Variants in ADAM23 observed in about 807,000 individuals in gnomAD.
ADAM23 encodes the protein disintegrin and metalloproteinase domain-containing protein 23.
A neutral mutation model predicts 120.1 loss-of-function variants in ADAM23; 33 were observed. That is an observed-to-expected ratio of 0.27 (90% CI 0.21 to 0.37). The LOEUF is 0.37. Among genes scored for constraint, ADAM23 ranks in the 10% least tolerant of loss-of-function variants. The pLI, the probability that ADAM23 is intolerant of heterozygous loss-of-function variation, is 1.00. For synonymous variants in ADAM23, 367 were observed against 375.2 expected, an observed-to-expected ratio of 0.98 and a Z score of 0.25; for missense variants, 862 against 1,058.2, an observed-to-expected ratio of 0.81 and a Z score of 2.57.
intron 18 of ADAM23, among the ~76,000 whole-genome samples, chr2:206,585,430 C>T (rs924141290): frequency 1.3e-5 from 2 of 152,116 alleles, no homozygotes; most frequent in East Asian, 1.9e-4. Flanking sequence ...AAAGCTGTGG[C>T]GAATGAAACA....
intron 4 of ADAM23, among the ~76,000 whole-genome samples, chr2:206,538,379 T>C (rs1366841532): frequency 6.6e-6 from 1 of 152,210 alleles, no homozygotes; most frequent in Non-Finnish European, 1.5e-5. Flanking sequence ...TAAAATAGTT[T>C]AGCATATCCT....
chr2:206,564,831 A>G (rs955896603), intron 13 of ADAM23, among the ~76,000 whole-genome samples, 189 bp from the exon 14 acceptor site: 1 of 152,210 alleles, frequency 6.6e-6, no homozygotes, highest in Non-Finnish European at 1.5e-5. Flanking sequence ...ATTAACCTAT[A>G]ATTCTGGAAA....
chr2:206,498,127 C>A (rs2105891032), intron 3 of ADAM23, among the ~76,000 whole-genome samples: 1 of 152,244 alleles, frequency 6.6e-6, no homozygotes, highest in Non-Finnish European at 1.5e-5. Context: ...CAATGACTTT[C>A]TTCACAGAAT....
intron 2 of ADAM23, among the ~76,000 whole-genome samples, chr2:206,449,404 A>G (rs916972562): frequency 1.3e-5 from 2 of 152,226 alleles, no homozygotes; most frequent in African/African-American, 2.4e-5. Context: ...TCATTCATTC[A>G]TTCTGAGATA....
Position 206,504,901 on chromosome 2 carries a change from C to T in ADAM23, c.509+23593C>T, listed in dbSNP as rs558285123. Among the ~76,000 whole-genome samples, 5 of 152,124 alleles carry T rather than the reference C, an allele frequency of 3.3e-5. No homozygotes were observed. In the East Asian group the frequency reaches 5.8e-4, roughly 18 times the overall value. On this transcript the variant is annotated intron_variant, in intron 3 of 25. Transcript: ENST00000264377. ...ATGTATGTGGAATTATTAAATGTAC[C>T]GTCTGTACCTAAATATTTCAGAATA...
At chr2:206,610,057 A>G in intron 25 of ADAM23, 57 bp downstream of exon 25, 4 of 1,431,420 alleles carry the variant, frequency 2.8e-6, no homozygotes, top group Non-Finnish European at 2.8e-6. Flanking sequence ...TTTTCTGCTT[A>G]CATAACCAAG....
intron 3 of ADAM23, among the ~76,000 whole-genome samples, chr2:206,483,823 A>G (rs1289749333): frequency 6.6e-6 from 1 of 152,180 alleles, no homozygotes. Flanking sequence ...GAGAGGGGAC[A>G]GAAACCGGGT....
chr2:206,563,407 T>G (rs938854124), intron 13 of ADAM23, among the ~76,000 whole-genome samples: 1 of 152,240 alleles, frequency 6.6e-6, no homozygotes, highest in African/African-American at 2.4e-5. Flanking sequence ...ATGGGTACAT[T>G]AAGATAGTCA....
chr2:206,549,077 T>C (rs1559259190), intron 8 of ADAM23, among the ~76,000 whole-genome samples: 1 of 152,066 alleles, frequency 6.6e-6, no homozygotes, highest in Non-Finnish European at 1.5e-5. Flanking sequence ...TTCCACAGCT[T>C]ATACATTACA....
intron 24 of ADAM23, 100 bp from the exon 25 acceptor site, chr2:206,609,810 C>T: frequency 1.1e-6 from 1 of 911,124 alleles, no homozygotes. Flanking sequence ...CCGTCTTTTA[C>T]ACAGGATATT....
At chr2:206,575,820 C>A (rs960073791) in intron 18 of ADAM23, among the ~76,000 whole-genome samples, 2 of 152,000 alleles carry the variant, frequency 1.3e-5, no homozygotes, top group African/African-American at 4.8e-5. Context: ...AGAACTGTGG[C>A]GGAATGCCTA....
At chr2:206,586,452 G>A (rs370365596) in intron 18 of ADAM23, among the ~76,000 whole-genome samples, 3 of 152,076 alleles carry the variant, frequency 2.0e-5, no homozygotes, top group East Asian at 1.9e-4. Flanking sequence ...CAGACTAGAT[G>A]GAGGAAGAGT....
intron 6 of ADAM23, among the ~76,000 whole-genome samples, chr2:206,544,557 TTAGA>T (rs1176269498): frequency 1.3e-5 from 2 of 151,896 alleles, no homozygotes; most frequent in African/African-American, 2.4e-5. Flanking sequence ...ATGTGGTATG[TTAGA>T]TAGTGATACA....
intron 9 of ADAM23, 128 bp from the exon 10 acceptor site, chr2:206,557,299 C>T (rs1215890121): frequency 6.3e-6 from 5 of 789,572 alleles, no homozygotes; most frequent in Non-Finnish European, 1.0e-5. Flanking sequence ...TCCAGTATAC[C>T]ACAAACTAAA....
intron 2 of ADAM23, among the ~76,000 whole-genome samples, chr2:206,467,990 G>A (rs956805813): frequency 2.0e-5 from 3 of 152,192 alleles, no homozygotes. Context: ...ACTGGCCGGA[G>A]CTAGAGTGCC....
At chr2:206,592,554 G>A (rs941674822) in intron 21 of ADAM23, 63 bp from the exon 22 acceptor site, 38 of 1,567,854 alleles carry the variant, frequency 2.4e-5, no homozygotes, top group African/African-American at 1.2e-4. Context: ...GGACCGAATC[G>A]TTTTGATTTT....
intron 7 of ADAM23, 37 bp downstream of exon 7, chr2:206,547,538 T>C: frequency 6.5e-7 from 1 of 1,542,562 alleles, no homozygotes; most frequent in South Asian, 1.1e-5. Context: ...ATATTTTATG[T>C]AGTATGAGCT....
intron 3 of ADAM23, among the ~76,000 whole-genome samples, chr2:206,501,698 G>A (rs181828098): frequency 5.3e-5 from 8 of 152,166 alleles, no homozygotes; most frequent in African/African-American, 1.7e-4. Context: ...AGTCTGAAAA[G>A]GGATATTTTG....
intron 24 of ADAM23, among the ~76,000 whole-genome samples, chr2:206,599,827 T>G (rs1385488199): frequency 6.6e-6 from 1 of 152,234 alleles, no homozygotes; most frequent in Non-Finnish European, 1.5e-5. Flanking sequence ...TAATAGGTAA[T>G]GGACTCAAGT....
Sources: allele counts gnomAD v4.1 joint callset (sites outside exome capture counted in the v4.1 genomes callset), GRCh38; gene constraint gnomAD v4.1.1; transcripts MANE v1.5; gene names NCBI Gene and HGNC (gene_info 2026-07-23, HGNC 2026-07-21).